PRH1: variants seen among roughly 807,000 people sequenced by gnomAD.
The protein encoded by PRH1 is salivary acidic proline-rich phosphoprotein 1/2.
A neutral mutation model predicts 7.9 loss-of-function variants in PRH1; 7 were observed. That is an observed-to-expected ratio of 0.89 (90% CI 0.50 to 1.67). PRH1 has a LOEUF of 1.67. PRH1 is among the 40% of genes most tolerant of loss of function. The probability of loss-of-function intolerance (pLI) is 0.00; values close to 1 mark genes in which losing one functional copy is unlikely to be tolerated. For missense variants in PRH1, 109 were observed against 223.6 expected, an observed-to-expected ratio of 0.49 and a Z score of 3.27; for synonymous variants, 45 against 80.8, an observed-to-expected ratio of 0.56 and a Z score of 2.38.
chr12:11,083,248 A>AAT, intron 1 of PRH1, among the ~76,000 whole-genome samples: 1 of 130,948 alleles, frequency 7.6e-6, no homozygotes, highest in African/African-American at 2.7e-5. Context: ...AGAAGAAAAA[A>AAT]GGTGTCTAGC....
intron 2 of PRH1, among the ~76,000 whole-genome samples, chr12:10,949,191 C>A (rs926699207): frequency 3.3e-5 from 5 of 152,168 alleles, no homozygotes; most frequent in Non-Finnish European, 5.9e-5. Context: ...GAGTCAACCT[C>A]TGGGGGTTCC....
At chr12:10,973,664 C>A (rs192242158) in exon 2 of PRH1, 3 of 778,866 alleles carry the variant, frequency 3.9e-6, no homozygotes, top group Admixed American at 1.7e-5. Flanking sequence ...CCTGTGAAAA[C>A]TTCCACTCTT....
At chr12:10,986,725 G>A in intron 1 of PRH1, 1 of 1,613,028 alleles carries the variant, frequency 6.2e-7, no homozygotes, top group Non-Finnish European at 8.5e-7. Flanking sequence ...GTGAGAATTT[G>A]GTCAGCTGAG....
chr12:11,002,554 A>C (rs943643282), intron 1 of PRH1, among the ~76,000 whole-genome samples: 1 of 152,126 alleles, frequency 6.6e-6, no homozygotes. Context: ...TCATATATAC[A>C]AATCCTCTAT....
chr12:10,900,642 C>T (rs759447728), intron 2 of PRH1, among the ~76,000 whole-genome samples: 5 of 152,254 alleles, frequency 3.3e-5, no homozygotes, highest in African/African-American at 4.8e-5. Context: ...AGCTTAGCTA[C>T]TTGGAACTAG....
chr12:10,999,132 A>C (rs1940453702), intron 1 of PRH1, among the ~76,000 whole-genome samples: 1 of 152,162 alleles, frequency 6.6e-6, no homozygotes, highest in Non-Finnish European at 1.5e-5. Context: ...CATGTGAGAT[A>C]TAAATATCTA....
chr12:11,148,681 C>G (rs867727915), intron 1 of PRH1, among the ~76,000 whole-genome samples: 1 of 116,262 alleles, frequency 8.6e-6, no homozygotes, highest in Non-Finnish European at 2.0e-5. Context: ...CTGCTGGATT[C>G]GGTTTGCCAG....
At chr12:10,888,748 TG>T (rs1308039146), upstream of PRH1, among the ~76,000 whole-genome samples, 3 of 152,262 alleles carry the variant, frequency 2.0e-5, no homozygotes, top group African/African-American at 7.2e-5. Context: ...GTGTTTTTAG[TG>T]ATTCTTCTAT....
At chr12:11,100,288 G>A (rs1945196736) in intron 1 of PRH1, among the ~76,000 whole-genome samples, 1 of 152,172 alleles carries the variant, frequency 6.6e-6, no homozygotes, top group Admixed American at 6.5e-5. Flanking sequence ...CTCCTGACAT[G>A]AAAATGGTAA....
chr12:11,146,621 T>A (rs1946869415), intron 1 of PRH1, among the ~76,000 whole-genome samples: 1 of 152,184 alleles, frequency 6.6e-6, no homozygotes. Flanking sequence ...TTATGTTTCG[T>A]GGTTTTTGTA....
chr12:10,949,601 T>C (rs1950538825), intron 2 of PRH1, among the ~76,000 whole-genome samples: 2 of 152,248 alleles, frequency 1.3e-5, no homozygotes, highest in Non-Finnish European at 2.9e-5. Flanking sequence ...AATACCATTG[T>C]ATCTATGCAC....
chr12:10,898,443 A>C (rs533415113), intron 2 of PRH1, among the ~76,000 whole-genome samples: 57 of 152,326 alleles, frequency 3.7e-4, no homozygotes, highest in African/African-American at 1.3e-3. Flanking sequence ...AACAAAGGGA[A>C]ATTCAGGAAA....
At chr12:10,911,153 G>C (rs1031458784) in intron 2 of PRH1, among the ~76,000 whole-genome samples, 2 of 152,020 alleles carry the variant, frequency 1.3e-5, no homozygotes, top group Admixed American at 1.3e-4. Flanking sequence ...TTCATTTTAG[G>C]GTGTTCTTCC....
chr12:10,943,001 C>T (rs187784180), intron 2 of PRH1, among the ~76,000 whole-genome samples: 4 of 152,282 alleles, frequency 2.6e-5, no homozygotes, highest in Admixed American at 2.0e-4. Context: ...TGTTTGGGGG[C>T]AGAGGATCTC....
intron 2 of PRH1, among the ~76,000 whole-genome samples, chr12:10,923,281 A>G (rs1950077778): frequency 6.6e-6 from 1 of 151,690 alleles, no homozygotes; most frequent in African/African-American, 2.4e-5. Context: ...ACACGCCACC[A>G]TGCACAGCTA....
intron 1 of PRH1, chr12:10,986,951 G>A (rs1939672934): frequency 4.4e-6 from 4 of 917,886 alleles, no homozygotes; most frequent in Admixed American, 6.3e-5. Flanking sequence ...ATGTGCATCT[G>A]ATTTCTGAAT....
intron 2 of PRH1, among the ~76,000 whole-genome samples, chr12:10,965,800 A>G (rs903276387): frequency 4.6e-5 from 7 of 152,228 alleles, no homozygotes; most frequent in Non-Finnish European, 1.0e-4. Context: ...AAATGCCTAA[A>G]TCTTAAAGGG....
chr12:10,998,213 T>C (rs1591790905), intron 1 of PRH1, among the ~76,000 whole-genome samples: 1 of 152,154 alleles, frequency 6.6e-6, no homozygotes, highest in African/African-American at 2.4e-5. Context: ...TAAAGACATA[T>C]CCTCTTTCAT....
At chr12:10,915,836 G>A (rs972295753) in intron 2 of PRH1, among the ~76,000 whole-genome samples, 9 of 152,078 alleles carry the variant, frequency 5.9e-5, no homozygotes, top group Non-Finnish European at 1.0e-4. Context: ...TCCCCATCGC[G>A]TTCCCTCGGT....
Sources: gnomAD v4.1 joint callset for allele counts (sites outside exome capture counted in the v4.1 genomes callset) on GRCh38, gnomAD v4.1.1 for gene constraint, MANE v1.5 for transcripts, NCBI Gene and HGNC (gene_info 2026-07-23, HGNC 2026-07-21) for gene names.